Variants in RFTN1 observed in about 807,000 individuals in gnomAD.
RFTN1 encodes the protein raftlin, lipid raft linker 1.
In RFTN1, 26 loss-of-function variants were observed where a neutral mutation model predicts 46.5. That is an observed-to-expected ratio of 0.56 (90% CI 0.41 to 0.78). The LOEUF (loss-of-function observed/expected upper bound fraction) is 0.78, where lower values mean the gene tolerates loss of function less well. RFTN1 is among the 30% of genes least tolerant of loss of function. The probability of loss-of-function intolerance (pLI) is 0.00; values close to 1 mark genes in which losing one functional copy is unlikely to be tolerated. For missense variants in RFTN1, 693 were observed against 718.7 expected (o/e 0.96, Z 0.41); for synonymous variants, 261 against 284.2 (o/e 0.92, Z 0.82).
At chr3:16,497,461 C>A (rs2076644194) in intron 1 of RFTN1, among the ~76,000 whole-genome samples, 1 of 152,208 alleles carries the variant, frequency 6.6e-6, no homozygotes, top group Admixed American at 6.5e-5. Context: ...CTCTATCAGG[C>A]TGGTGGCAGC....
In RFTN1 at chr3:16,435,917, A is replaced by AATATATATAT. The variant is rs10575645; in HGVS notation, c.146-1890_146-1881dup. On this transcript the variant is annotated intron_variant, in intron 2 of 9. Coordinates refer to ENST00000334133, the MANE Select transcript of RFTN1 (RefSeq NM_015150.2). ...AAATAAATAAAAAATCAGAGATGTAAATATATATATATATATATATATATA... is the reference window on the plus strand; with the variant it reads ...AAATAAATAAAAAATCAGAGATGTAAATATATATATATATATATATATATATATATATATA... Among the ~76,000 whole-genome samples, 470 of 142,348 alleles carry AATATATATAT rather than the reference A, an allele frequency of 3.3e-3. 11 individuals carry two copies. Among genetic ancestry groups the AATATATATAT allele is most frequent in the African/African-American group, 0.012 (447 of 37,774 alleles). 93.4% of individuals were successfully genotyped at this position (142,348 alleles called of 152,430 possible). A position where few individuals can be genotyped will look rare whatever the true frequency, so the allele number is the denominator to read the frequency against.
At chr3:16,511,323 T>C (rs2125018857) in intron 1 of RFTN1, among the ~76,000 whole-genome samples, 1 of 152,300 alleles carries the variant, frequency 6.6e-6, no homozygotes, top group African/African-American at 2.4e-5. Context: ...GAAGTCAAAA[T>C]AATAAAATGT....
At chr3:16,463,158 T>A (rs2076035793) in intron 2 of RFTN1, among the ~76,000 whole-genome samples, 1 of 152,188 alleles carries the variant, frequency 6.6e-6, no homozygotes, top group Non-Finnish European at 1.5e-5. Flanking sequence ...TGCTTGGAGT[T>A]TGTACAACTT....
chr3:16,381,574 A>G lies in RFTN1; in HGVS notation c.442-3472T>C, dbSNP rs1285027589. On this transcript the variant is annotated intron_variant, in intron 4 of 9. Transcript: ENST00000334133. This position sits in a 1 kb window ranked among gnomAD's most constrained non-coding sequence, Gnocchi z 4.2. ...TCCAATTTTTTTTTTCCAAAATGCC[A>G]TGCTAGACAAAACCTATTTGGGACC... Among the ~76,000 whole-genome samples the G allele has an allele frequency of 2.0e-5, 3 of 152,122 alleles. No homozygotes were observed. Among genetic ancestry groups the G allele is most frequent in the Admixed American group, 6.5e-5 (1 of 15,274 alleles).
intron 6 of RFTN1, among the ~76,000 whole-genome samples, chr3:16,368,286 G>T (rs74440057): frequency 0.016 from 2,507 of 152,316 alleles, 71 homozygotes; most frequent in African/African-American, 0.056. Flanking sequence ...GGGGAACTTT[G>T]TAAGTACCCA....
chr3:16,362,516 T>C (rs1223833465), intron 6 of RFTN1, among the ~76,000 whole-genome samples: 2 of 152,142 alleles, frequency 1.3e-5, no homozygotes, highest in African/African-American at 4.8e-5. Context: ...GGAGCCCCTA[T>C]CACAATAGGG....
In RFTN1 at chr3:16,426,660, C is replaced by CGCGTGTGT. The variant is rs2075295090; in HGVS notation, c.332+7190_332+7191insACACACGC. Among the ~76,000 whole-genome samples the CGCGTGTGT allele has an allele frequency of 7.0e-6, 1 of 142,026 alleles. No individual in the cohort carries two copies. Among genetic ancestry groups the CGCGTGTGT allele is most frequent in the African/African-American group, 2.7e-5 (1 of 37,494 alleles). 93.2% of individuals were successfully genotyped at this position (142,026 alleles called of 152,430 possible). On this transcript the variant is annotated intron_variant, in intron 3 of 9. Coordinates refer to ENST00000334133, the MANE Select transcript of RFTN1 (RefSeq NM_015150.2). The surrounding 1 kb of genome is among the most constrained non-coding windows in gnomAD (Gnocchi z 5.9). ...ACTGTTATTTTGGCAATGAAAGGAT[C>CGCGTGTGT]GTGTGTGTGTGTGTGTGTGTGTGTG...
rs1388043983 is a variant in RFTN1, at chr3:16,350,255, A to G, written c.1146+7677T>C. The G allele has an allele frequency of 2.6e-5, 4 of 152,322 alleles. No individual in the cohort carries two copies. The South Asian group carries it at 8.3e-4, about 32-fold the overall frequency. The allele number at this position is 152,322 out of a possible 1,614,324, so 9.4% of individuals were successfully genotyped here. On this transcript the variant is annotated intron_variant, in intron 7 of 9. Coordinates refer to ENST00000334133, the MANE Select transcript of RFTN1 (RefSeq NM_015150.2). ...TTATCCTTTGTTTAACCATTCCCCTACTGATGGACATGAACATTATTACCT... is the reference window on the plus strand; with the variant it reads ...TTATCCTTTGTTTAACCATTCCCCTGCTGATGGACATGAACATTATTACCT...
rs571759491 is a variant in RFTN1, at chr3:16,441,513, C to T, written c.146-7476G>A. Among the ~76,000 whole-genome samples, 107 of 152,266 alleles carry T rather than the reference C, an allele frequency of 7.0e-4. 1 individual carries two copies. Among genetic ancestry groups the T allele is most frequent in the South Asian group, 6.2e-3 (30 of 4,814 alleles). Reference sequence around the variant, plus strand: ...GCAAAGGGCCAAAGTGAGGTCTTTGCTATTTCAAACTTGATTATTGGGAAA... The same window carrying T: ...GCAAAGGGCCAAAGTGAGGTCTTTGTTATTTCAAACTTGATTATTGGGAAA... On this transcript the variant is annotated intron_variant, in intron 2 of 9. Transcript: ENST00000334133.
intron 4 of RFTN1, among the ~76,000 whole-genome samples, chr3:16,392,244 A>G (rs1482614420): frequency 3.3e-5 from 5 of 152,176 alleles, no homozygotes; most frequent in Non-Finnish European, 7.4e-5. Flanking sequence ...CCCTCAGAAA[A>G]GATTTTACAT....
chr3:16,493,836 C>T lies in RFTN1; in HGVS notation c.34G>A (p.Asp12Asn), dbSNP rs368906781. The T allele has an allele frequency of 7.4e-6, 12 of 1,614,200 alleles. No individual in the cohort carries two copies. Among genetic ancestry groups the T allele is most frequent in the Admixed American group, 1.7e-5 (1 of 60,026 alleles). ...TAAATATTCCCAGGCCGTTTTTCATCACGTTTCTCTAACTTGTTCAATCCG... is the reference window on the plus strand; with the variant it reads ...TAAATATTCCCAGGCCGTTTTTCATTACGTTTCTCTAACTTGTTCAATCCG... ...GCGLNKLEKR[D>N]EKRPGNIYST... Residue 12 changes from aspartate to asparagine, a missense_variant, in exon 2 of 10, where the codon GAT (aspartate) becomes AAT (asparagine). Transcript: ENST00000334133.
chr3:16,500,375 G>C lies in RFTN1; in HGVS notation c.-8-6498C>G, dbSNP rs764538458. On this transcript the variant is annotated intron_variant, in intron 1 of 9. Coordinates refer to ENST00000334133, the MANE Select transcript of RFTN1 (RefSeq NM_015150.2). The surrounding 1 kb of genome is among the most constrained non-coding windows in gnomAD (Gnocchi z 5.9). ...CAGACATCCCTGAAACTATGTGTAT[G>C]GGTCTCCCGAGCATCAAGGTACCAA... 2.0e-5 allele frequency among the ~76,000 whole-genome samples: 3 copies of C among 152,126 alleles called. No individual in the cohort carries two copies. Among genetic ancestry groups the C allele is most frequent in the Non-Finnish European group, 2.9e-5 (2 of 68,024 alleles).
At chr3:16,412,494 T>C (rs1238285397) in intron 3 of RFTN1, among the ~76,000 whole-genome samples, 1 of 152,194 alleles carries the variant, frequency 6.6e-6, no homozygotes, top group African/African-American at 2.4e-5. Context: ...CAAAGCCCTA[T>C]AGAGCTGCCA....
At chr3:16,502,757 C>T (rs1296190838) in intron 1 of RFTN1, among the ~76,000 whole-genome samples, 7 of 152,298 alleles carry the variant, frequency 4.6e-5, no homozygotes, top group Middle Eastern at 3.4e-3. Flanking sequence ...GCCTTCAGCC[C>T]GGCCAACATC....
At chr3:16,372,361 C>G (rs1169617548) in intron 5 of RFTN1, among the ~76,000 whole-genome samples, 1 of 152,190 alleles carries the variant, frequency 6.6e-6, no homozygotes, top group Non-Finnish European at 1.5e-5. Context: ...AATTGAAGGT[C>G]ACTCCTGAAT....
intron 4 of RFTN1, among the ~76,000 whole-genome samples, chr3:16,405,502 T>A (rs937221958): frequency 3.9e-5 from 6 of 151,992 alleles, no homozygotes; most frequent in African/African-American, 1.2e-4. Context: ...AGGAATGGAG[T>A]CATCATCATC....
chr3:16,413,633 TGGAGACGTACACAG>T lies in RFTN1; in HGVS notation c.333-4164_333-4151del, dbSNP rs1033244553. 2.6e-5 allele frequency among the ~76,000 whole-genome samples: 4 copies of T among 152,230 alleles called. No individual in the cohort carries two copies. Among genetic ancestry groups the T allele is most frequent in the Non-Finnish European group, 5.9e-5 (4 of 68,036 alleles). ...AAAAAGAAAACACAGAATGCATTTC[TGGAGACGTACACAG>T]GGTTAACTAACAGCAAAAGCCCCCC... On this transcript the variant is annotated intron_variant, in intron 3 of 9. Coordinates refer to ENST00000334133, the MANE Select transcript of RFTN1 (RefSeq NM_015150.2). The surrounding 1 kb of genome is among the most constrained non-coding windows in gnomAD (Gnocchi z 4.7).
At chr3:16,391,894 GTT>G (rs147487784) in intron 4 of RFTN1, among the ~76,000 whole-genome samples, 2 of 33,052 alleles carry the variant, frequency 6.1e-5, no homozygotes, top group Admixed American at 4.5e-4. Flanking sequence ...TTTTTTTTTT[GTT>G]TTTTTTACGG....
At chr3:16,359,982 A>G (rs1354557089) in intron 6 of RFTN1, among the ~76,000 whole-genome samples, 1 of 152,244 alleles carries the variant, frequency 6.6e-6, no homozygotes, top group African/African-American at 2.4e-5. Context: ...CCCATAAACA[A>G]AAGGTCATCA....
Sources: allele counts gnomAD v4.1 joint callset (sites outside exome capture counted in the v4.1 genomes callset), GRCh38; gene constraint gnomAD v4.1.1; non-coding constraint Gnocchi (gnomAD v3.1); transcripts MANE v1.5; gene names NCBI Gene and HGNC (gene_info 2026-07-23, HGNC 2026-07-21).